NKAIN3: variants seen among roughly 807,000 people sequenced by gnomAD.
NKAIN3 encodes sodium/potassium-transporting ATPase subunit beta-1-interacting protein 3.
A neutral mutation model predicts 30.2 loss-of-function variants in NKAIN3; 25 were observed. The ratio of observed to expected loss-of-function variants is 0.83; its 90% CI spans 0.60 to 1.16. The LOEUF is 1.16. Ranked by LOEUF, NKAIN3 falls within the 50% of genes most tolerant of loss-of-function variation. The pLI, the probability that NKAIN3 is intolerant of heterozygous loss-of-function variation, is 0.00. For synonymous variants in NKAIN3, 91 were observed against 89.6 expected, an observed-to-expected ratio of 1.02 and a Z score of -0.09; for missense variants, 225 against 254.1, an observed-to-expected ratio of 0.89 and a Z score of 0.78.
chr8:62,798,985 AC>A (rs749405549), intron 4 of NKAIN3, among the ~76,000 whole-genome samples: 1 of 152,126 alleles, frequency 6.6e-6, no homozygotes, highest in Non-Finnish European at 1.5e-5. Flanking sequence ...ATGGGGACTC[AC>A]AGGACCAAGG....
At chr8:62,956,688 A>G (rs1468862494) in intron 6 of NKAIN3, among the ~76,000 whole-genome samples, 2 of 152,208 alleles carry the variant, frequency 1.3e-5, no homozygotes, top group Non-Finnish European at 2.9e-5. Context: ...CACTGATTAC[A>G]TCAATCAGTT....
intron 1 of NKAIN3, among the ~76,000 whole-genome samples, chr8:62,306,544 GT>G (rs1814246813): frequency 6.9e-6 from 1 of 144,506 alleles, no homozygotes; most frequent in Non-Finnish European, 1.5e-5. Context: ...CTTTGTGTGT[GT>G]GTGTGTGTGT....
chr8:62,252,239 T>C (rs1812129713), intron 1 of NKAIN3, among the ~76,000 whole-genome samples: 1 of 152,110 alleles, frequency 6.6e-6, no homozygotes, highest in African/African-American at 2.4e-5. Flanking sequence ...GGGGATGGCG[T>C]TGGGAGAACA....
chr8:62,300,908 C>A (rs370664115), intron 1 of NKAIN3, among the ~76,000 whole-genome samples: 2 of 151,856 alleles, frequency 1.3e-5, no homozygotes, highest in Admixed American at 1.3e-4. Context: ...GAAATCATTA[C>A]GAAGTACAAA....
At chr8:62,909,475 G>A (rs1821872030) in intron 4 of NKAIN3, among the ~76,000 whole-genome samples, 1 of 152,088 alleles carries the variant, frequency 6.6e-6, no homozygotes. Context: ...CAAGACTGTT[G>A]TGCTGATGTT....
chr8:62,322,348 C>T (rs1443277401), intron 1 of NKAIN3, among the ~76,000 whole-genome samples: 1 of 152,224 alleles, frequency 6.6e-6, no homozygotes, highest in East Asian at 1.9e-4. Flanking sequence ...CACCCACTTT[C>T]CAACACTCCC....
chr8:62,765,672 C>A (rs898913712), intron 4 of NKAIN3, among the ~76,000 whole-genome samples: 5 of 152,050 alleles, frequency 3.3e-5, no homozygotes, highest in African/African-American at 1.2e-4. Context: ...CTTGATGTTG[C>A]AGATGATTCT....
intron 5 of NKAIN3, among the ~76,000 whole-genome samples, chr8:62,926,484 G>T (rs1430761169): frequency 6.6e-6 from 1 of 152,072 alleles, no homozygotes; most frequent in Admixed American, 6.5e-5. Flanking sequence ...CATGTGAGCC[G>T]CCCAACCCGC....
intron 4 of NKAIN3, among the ~76,000 whole-genome samples, chr8:62,838,870 G>GA (rs1441348262): frequency 6.6e-6 from 1 of 152,052 alleles, no homozygotes; most frequent in African/African-American, 2.4e-5. Flanking sequence ...TCTTCTAATG[G>GA]AAAATAAAAG....
At chr8:62,728,421 G>C (rs1017549576) in intron 3 of NKAIN3, among the ~76,000 whole-genome samples, 1 of 152,204 alleles carries the variant, frequency 6.6e-6, no homozygotes, top group African/African-American at 2.4e-5. Context: ...CCAGCACTTT[G>C]AGAGGCCGAG....
intron 3 of NKAIN3, among the ~76,000 whole-genome samples, chr8:62,689,194 A>G (rs970181169): frequency 6.6e-6 from 1 of 152,212 alleles, no homozygotes; most frequent in African/African-American, 2.4e-5. Context: ...CCTCATCACT[A>G]GACCTACTGC....
At chr8:62,646,006 T>G (rs1389215901) in intron 3 of NKAIN3, among the ~76,000 whole-genome samples, 1 of 152,086 alleles carries the variant, frequency 6.6e-6, no homozygotes, top group African/African-American at 2.4e-5. Flanking sequence ...ATCTCAAAAC[T>G]TATTACTTTG....
Position 62,980,383 on chromosome 8 carries a change from T to G in NKAIN3, c.*14976T>G, listed in dbSNP as rs1824048173. ...CAAATAGCAGGCATGCAATGTAGTT[T>G]TATAAGATAATATACTAGGACCATC... On this transcript the variant is annotated 3_prime_UTR_variant, in exon 7 of 7. Transcript: ENST00000623646. 6.6e-6 allele frequency: 1 copy of G among 152,196 alleles called. No homozygotes were observed. Among genetic ancestry groups the G allele is most frequent in the African/African-American group, 2.4e-5 (1 of 41,454 alleles). The allele number at this position is 152,196 out of a possible 1,614,324, so 9.4% of individuals were successfully genotyped here. A position where few individuals can be genotyped will look rare whatever the true frequency, so the allele number is the denominator to read the frequency against.
intron 1 of NKAIN3, among the ~76,000 whole-genome samples, chr8:62,270,939 C>T (rs1246553089): frequency 6.6e-6 from 1 of 152,116 alleles, no homozygotes; most frequent in Non-Finnish European, 1.5e-5. Context: ...TCTTCCTGTT[C>T]ATTTGAAAAC....
chr8:62,767,497 A>T (rs1183474022), intron 4 of NKAIN3, among the ~76,000 whole-genome samples: 3 of 152,102 alleles, frequency 2.0e-5, no homozygotes, highest in Non-Finnish European at 4.4e-5. Flanking sequence ...TGCTCAACCC[A>T]GCTCTACCCT....
chr8:62,388,387 G>A (rs1171168547), intron 1 of NKAIN3, among the ~76,000 whole-genome samples: 2 of 152,188 alleles, frequency 1.3e-5, no homozygotes, highest in African/African-American at 2.4e-5. Flanking sequence ...TATATTTGAA[G>A]CATGGATTTA....
chr8:62,927,315 TCTC>T (rs1161699809), intron 5 of NKAIN3, among the ~76,000 whole-genome samples: 1 of 152,204 alleles, frequency 6.6e-6, no homozygotes, highest in East Asian at 1.9e-4. Flanking sequence ...GCTGTTGACT[TCTC>T]CTTCCTTGAA....
At chr8:62,315,627 C>T (rs912369214) in intron 1 of NKAIN3, among the ~76,000 whole-genome samples, 1 of 152,042 alleles carries the variant, frequency 6.6e-6, no homozygotes, top group Non-Finnish European at 1.5e-5. Context: ...TCTAGTGCAC[C>T]AATGTAGTGT....
At chr8:62,737,019 A>T (rs2130558752) in intron 3 of NKAIN3, among the ~76,000 whole-genome samples, 1 of 152,172 alleles carries the variant, frequency 6.6e-6, no homozygotes, top group African/African-American at 2.4e-5. Context: ...TCCCTCTTCC[A>T]CCCATTGGGC....
Sources: allele counts gnomAD v4.1 joint callset (sites outside exome capture counted in the v4.1 genomes callset), GRCh38; gene constraint gnomAD v4.1.1; transcripts MANE v1.5; gene names NCBI Gene and HGNC (gene_info 2026-07-23, HGNC 2026-07-21).